Variants in ADAM12 observed in about 807,000 individuals in gnomAD.
ADAM12 encodes the protein ADAM metallopeptidase domain 12, also known as disintegrin and metalloproteinase domain-containing protein 12.
A neutral mutation model predicts 106.4 loss-of-function variants in ADAM12; 70 were observed. The observed-to-expected ratio is 0.66, with a 90% confidence interval of 0.54 to 0.80. The LOEUF (loss-of-function observed/expected upper bound fraction) is 0.80, where lower values mean the gene tolerates loss of function less well. ADAM12 is among the 30% of genes least tolerant of loss of function. ADAM12 has a pLI of 0.00. For missense variants in ADAM12, 1,010 were observed against 1,171.9 expected (o/e 0.86, Z 2.02); for synonymous variants, 420 against 433.5 (o/e 0.97, Z 0.39).
At chr10:126,046,183 C>G in intron 16 of ADAM12, 51 bp from the exon 17 acceptor site, 1 of 1,521,186 alleles carries the variant, frequency 6.6e-7, no homozygotes, top group South Asian at 1.1e-5. Context: ...TCCAACCCCT[C>G]CAGCATGCAT....
Position 126,015,755 on chromosome 10 carries a change from ACACT to A in ADAM12, c.*1520_*1523del, listed in dbSNP as rs1353422640. On this transcript the variant is annotated 3_prime_UTR_variant, in exon 23 of 23. Transcript: ENST00000448723. The stretch of plus-strand genomic sequence containing the variant: ...CCCCAAAAGAAGGCTTTCTCATAAA[ACACT>A]CAGAGTGAATTATGTAACTGTTGTC... 1 of 152,232 alleles carries A rather than the reference ACACT, an allele frequency of 6.6e-6. No homozygotes were observed. Among genetic ancestry groups the A allele is most frequent in the Non-Finnish European group, 1.5e-5 (1 of 68,044 alleles). The allele number at this position is 152,232 out of a possible 1,614,324, so 9.4% of individuals were successfully genotyped here.
In ADAM12 at chr10:126,179,227, C is replaced by T. The variant is rs117517462; in HGVS notation, c.261-23922G>A. 3.9e-5 allele frequency among the ~76,000 whole-genome samples: 6 copies of T among 152,292 alleles called. No homozygotes were observed. The East Asian group carries it at 1.2e-3, about 29-fold the overall frequency. On this transcript the variant is annotated intron_variant, in intron 3 of 22. Coordinates refer to ENST00000448723, the MANE Select transcript of ADAM12 (RefSeq NM_001288973.2). ...TAAGTGAAGCGGGTTAGCTGCTCCT[C>T]TTCCCCCTCTGCTGTTTGCTCTGGC...
chr10:126,049,538 G>C lies in ADAM12; in HGVS notation c.1718+23C>G. The C allele has an allele frequency of 6.2e-7, 1 of 1,613,810 alleles. No individual in the cohort carries two copies. The highest frequency in any genetic ancestry group is 8.5e-7 in the Non-Finnish European group (1 of 1,179,676). Reference sequence around the variant, plus strand: ...GTGGGAAGGTCAGAGCAAAGACTTTGCCAGGATGTCTGGATTCCATACCTC... The same window carrying C: ...GTGGGAAGGTCAGAGCAAAGACTTTCCCAGGATGTCTGGATTCCATACCTC... On this transcript the variant is annotated intron_variant, in intron 15 of 22. Transcript: ENST00000448723. This position sits in a 1 kb window ranked among gnomAD's most constrained non-coding sequence, Gnocchi z 4.4.
At chr10:126,280,251 C>T (rs1416820457) in intron 2 of ADAM12, among the ~76,000 whole-genome samples, 1 of 152,030 alleles carries the variant, frequency 6.6e-6, no homozygotes, top group African/African-American at 2.4e-5. Context: ...TAAGGCAAAA[C>T]ATGACTTAAC....
At chr10:126,112,611 T>A (rs1955891658) in intron 6 of ADAM12, among the ~76,000 whole-genome samples, 1 of 152,172 alleles carries the variant, frequency 6.6e-6, no homozygotes, top group Non-Finnish European at 1.5e-5. Flanking sequence ...CAGCCTGCAA[T>A]GAGGACTCTG....
At chr10:126,085,999 GGTAA>G (rs1392689760) in intron 11 of ADAM12, among the ~76,000 whole-genome samples, 1 of 152,166 alleles carries the variant, frequency 6.6e-6, no homozygotes, top group East Asian at 1.9e-4. Context: ...AAGCCATGGG[GGTAA>G]GTGTGTGGGA....
At chr10:126,229,519 C>G (rs979132101) in intron 3 of ADAM12, among the ~76,000 whole-genome samples, 1 of 152,022 alleles carries the variant, frequency 6.6e-6, no homozygotes, top group Admixed American at 6.6e-5. Flanking sequence ...AATTTCAAGT[C>G]TCCAATAAAA....
chr10:126,051,139 G>A (rs543994125), intron 14 of ADAM12, among the ~76,000 whole-genome samples: 1 of 152,252 alleles, frequency 6.6e-6, no homozygotes, highest in Admixed American at 6.5e-5. Flanking sequence ...GATGGGGAGG[G>A]AGAGCCTCAG....
chr10:126,320,295 C>G (rs7084896), intron 2 of ADAM12, among the ~76,000 whole-genome samples: 102,562 of 152,092 alleles, frequency 0.67, 34,797 homozygotes, highest in East Asian at 0.83. Context: ...TGAGGAGTGT[C>G]TTAAATATAT....
At chr10:126,261,801 G>A (rs1959005850) in intron 3 of ADAM12, among the ~76,000 whole-genome samples, 1 of 90,088 alleles carries the variant, frequency 1.1e-5, no homozygotes, top group Non-Finnish European at 2.2e-5. Flanking sequence ...TGGATGGATA[G>A]TATTTTTTTT....
intron 1 of ADAM12, among the ~76,000 whole-genome samples, chr10:126,359,117 T>C (rs888384193): frequency 1.3e-5 from 2 of 152,132 alleles, no homozygotes; most frequent in Admixed American, 1.3e-4. Context: ...ACTTATTCAC[T>C]ATCACCAGAA....
chr10:126,276,017 T>C (rs993814499), intron 3 of ADAM12, among the ~76,000 whole-genome samples: 2 of 152,224 alleles, frequency 1.3e-5, no homozygotes, highest in African/African-American at 4.8e-5. Context: ...TTTTCTAACA[T>C]GCTAGTTACA....
rs188875716 is a variant in ADAM12 at position 126,348,467 on chromosome 10, C to A, written c.89-17958G>T. On this transcript the variant is annotated intron_variant, in intron 1 of 22. Coordinates refer to ENST00000448723, the MANE Select transcript of ADAM12 (RefSeq NM_001288973.2). The stretch of plus-strand genomic sequence containing the variant: ...CCCAAGCATGCCTTTCCGAGTTATG[C>A]CCTCACCTCCGTGCTCTGCCTATAC... Among the ~76,000 whole-genome samples the A allele has an allele frequency of 1.5e-3, 221 of 152,218 alleles. 1 individual carries two copies. The highest frequency in any genetic ancestry group is 5.1e-3 in the African/African-American group (213 of 41,536).
At chr10:126,034,048 T>C (rs1223883252) in intron 21 of ADAM12, among the ~76,000 whole-genome samples, 2 of 152,236 alleles carry the variant, frequency 1.3e-5, no homozygotes, top group Non-Finnish European at 2.9e-5. Context: ...GCAGTGACTC[T>C]TAGTACACAT....
At chr10:126,192,121 C>T (rs1957513432) in intron 3 of ADAM12, among the ~76,000 whole-genome samples, 2 of 152,226 alleles carry the variant, frequency 1.3e-5, no homozygotes, top group African/African-American at 2.4e-5. Context: ...TACAATTTGA[C>T]ATAAGATTTG....
At chr10:126,306,534 C>A (rs568012071) in intron 2 of ADAM12, among the ~76,000 whole-genome samples, 1 of 152,262 alleles carries the variant, frequency 6.6e-6, no homozygotes, top group African/African-American at 2.4e-5. Context: ...GAAGGACATC[C>A]TTTCATAGCT....
intron 21 of ADAM12, among the ~76,000 whole-genome samples, chr10:126,026,409 T>A (rs772944279): frequency 6.6e-6 from 1 of 152,164 alleles, no homozygotes; most frequent in South Asian, 2.1e-4. Flanking sequence ...GGACTTGAAC[T>A]CAGCTCTGGA....
chr10:126,285,681 G>C (rs1262264796), intron 2 of ADAM12, among the ~76,000 whole-genome samples: 2 of 152,114 alleles, frequency 1.3e-5, no homozygotes, highest in Non-Finnish European at 2.9e-5. Flanking sequence ...CTTTGTCGTT[G>C]GGCAAAACTC....
intron 2 of ADAM12, among the ~76,000 whole-genome samples, chr10:126,320,171 A>G (rs1415283985): frequency 6.6e-6 from 1 of 152,236 alleles, no homozygotes; most frequent in Non-Finnish European, 1.5e-5. Context: ...AAATTCATTT[A>G]GTTTTTCTCT....
Sources: gnomAD v4.1 joint callset for allele counts (sites outside exome capture counted in the v4.1 genomes callset) on GRCh38, gnomAD v4.1.1 for gene constraint, Gnocchi (gnomAD v3.1) non-coding constraint, MANE v1.5 for transcripts, NCBI Gene and HGNC (gene_info 2026-07-23, HGNC 2026-07-21) for gene names.